Variants in MAN1C1 observed in about 807,000 individuals in gnomAD.
The protein encoded by MAN1C1 is mannosidase alpha class 1C member 1.
A neutral mutation model predicts 71.5 loss-of-function variants in MAN1C1; 49 were observed. That is an observed-to-expected ratio of 0.69 (90% CI 0.54 to 0.87). MAN1C1 has a LOEUF of 0.87. Ranked by LOEUF, MAN1C1 falls within the 40% of genes least tolerant of loss-of-function variation. MAN1C1 has a pLI of 0.00. For synonymous variants in MAN1C1, 352 were observed against 343.7 expected (o/e 1.02, Z -0.27); for missense variants, 743 against 835.0 (o/e 0.89, Z 1.36).
intron 7 of MAN1C1, among the ~76,000 whole-genome samples, chr1:25,770,293 G>T (rs889146701): frequency 6.6e-6 from 1 of 152,214 alleles, no homozygotes; most frequent in African/African-American, 2.4e-5. Flanking sequence ...ATGCTGGTCC[G>T]CTCTGGAACA....
At chr1:25,781,710 G>A (rs1441956255) in intron 10 of MAN1C1, among the ~76,000 whole-genome samples, 2 of 134,832 alleles carry the variant, frequency 1.5e-5, no homozygotes, top group African/African-American at 2.8e-5. Flanking sequence ...CACCACCCCC[G>A]TGCCCATTCC....
At chr1:25,728,762 G>A (rs903289675) in intron 2 of MAN1C1, among the ~76,000 whole-genome samples, 2 of 152,186 alleles carry the variant, frequency 1.3e-5, no homozygotes, top group Admixed American at 6.5e-5. Context: ...AGAAAGGCTG[G>A]GAAACGCAGT....
intron 4 of MAN1C1, among the ~76,000 whole-genome samples, chr1:25,750,881 C>T (rs1192900827): frequency 6.6e-6 from 1 of 152,176 alleles, no homozygotes; most frequent in Non-Finnish European, 1.5e-5. Context: ...GAGGGGAGGA[C>T]ACAGCTCAGG....
intron 2 of MAN1C1, among the ~76,000 whole-genome samples, chr1:25,704,156 G>C (rs910236290): frequency 6.6e-6 from 1 of 152,164 alleles, no homozygotes; most frequent in African/African-American, 2.4e-5. Context: ...AATCTCTCCC[G>C]AGGCTGAGAA....
chr1:25,686,619 C>CT (rs2046235593), intron 2 of MAN1C1, 83 bp downstream of exon 2: 1 of 1,196,440 alleles, frequency 8.4e-7, no homozygotes, highest in Non-Finnish European at 1.2e-6. Flanking sequence ...TTTGGCTTTT[C>CT]ACCTCCTGAG....
At chr1:25,662,449 C>T (rs141554170) in intron 1 of MAN1C1, among the ~76,000 whole-genome samples, 1 of 152,316 alleles carries the variant, frequency 6.6e-6, no homozygotes, top group Non-Finnish European at 1.5e-5. Context: ...CAGAGCACAG[C>T]AGTTTGTATT....
intron 2 of MAN1C1, among the ~76,000 whole-genome samples, chr1:25,718,767 A>G (rs1218974062): frequency 6.6e-6 from 1 of 152,110 alleles, no homozygotes; most frequent in Non-Finnish European, 1.5e-5. Context: ...TCAGTATTTC[A>G]TTTCTTTACA....
chr1:25,774,236 C>T (rs2047590537), intron 8 of MAN1C1, among the ~76,000 whole-genome samples: 1 of 152,210 alleles, frequency 6.6e-6, no homozygotes, highest in South Asian at 2.1e-4. Context: ...GAGGGTCAGA[C>T]AGATCGGACT....
intron 1 of MAN1C1, among the ~76,000 whole-genome samples, chr1:25,621,059 C>T (rs1258134728): frequency 3.3e-5 from 5 of 152,242 alleles, no homozygotes; most frequent in Admixed American, 3.3e-4. Context: ...ACCCACCTCT[C>T]CTTCCTGGAC....
chr1:25,639,554 T>C (rs1039700762), intron 1 of MAN1C1, among the ~76,000 whole-genome samples: 4 of 152,210 alleles, frequency 2.6e-5, no homozygotes, highest in Non-Finnish European at 4.4e-5. Flanking sequence ...CTGGCTACTA[T>C]ATTCTCCACC....
chr1:25,752,093 A>G (rs1324724537), intron 4 of MAN1C1, among the ~76,000 whole-genome samples: 1 of 152,156 alleles, frequency 6.6e-6, no homozygotes, highest in Non-Finnish European at 1.5e-5. Context: ...CCTGCTGGGT[A>G]GGCCAGTCCT....
chr1:25,713,928 C>T (rs753389265), intron 2 of MAN1C1, among the ~76,000 whole-genome samples: 6 of 152,190 alleles, frequency 3.9e-5, no homozygotes, highest in Admixed American at 1.3e-4. Flanking sequence ...AATCAACCTT[C>T]GTGTTTCCTG....
At chr1:25,697,356 A>G (rs146755152) in intron 2 of MAN1C1, among the ~76,000 whole-genome samples, 2 of 152,346 alleles carry the variant, frequency 1.3e-5, no homozygotes, top group Non-Finnish European at 1.5e-5. Flanking sequence ...ACATTGTAGC[A>G]TGTATTATCA....
At chr1:25,688,543 T>C (rs367604226) in intron 2 of MAN1C1, among the ~76,000 whole-genome samples, 4 of 152,320 alleles carry the variant, frequency 2.6e-5, no homozygotes, top group African/African-American at 9.6e-5. Flanking sequence ...GGATTCCATT[T>C]TGTAAAATTC....
rs1204300297 is a variant in MAN1C1 at position 25,779,468 on chromosome 1, GTCT to G, written c.1477+1146_1477+1148del. Reference sequence around the variant, plus strand: ...CCAGGAAGTCAGAGATTCGCAATGGGTCTTTAAAACTGGTTGTCCATTCTCTTC... The same window carrying G: ...CCAGGAAGTCAGAGATTCGCAATGGGTTAAAACTGGTTGTCCATTCTCTTC... On this transcript the variant is annotated intron_variant, in intron 9 of 11. Transcript: ENST00000374332. This position sits in a 1 kb window ranked among gnomAD's most constrained non-coding sequence, Gnocchi z 4.6. 6.6e-6 allele frequency among the ~76,000 whole-genome samples: 1 copy of G among 152,210 alleles called. No individual in the cohort carries two copies. Among genetic ancestry groups the G allele is most frequent in the Non-Finnish European group, 1.5e-5 (1 of 68,040 alleles).
intron 1 of MAN1C1, among the ~76,000 whole-genome samples, chr1:25,632,120 C>A (rs915080084): frequency 6.6e-6 from 1 of 152,170 alleles, no homozygotes; most frequent in Non-Finnish European, 1.5e-5. Context: ...GCTGTGAATC[C>A]ATCATGCCCT....
intron 6 of MAN1C1, among the ~76,000 whole-genome samples, chr1:25,762,359 AC>A (rs1486808328): frequency 6.6e-6 from 1 of 150,958 alleles, no homozygotes; most frequent in Non-Finnish European, 1.5e-5. Flanking sequence ...CTGGGCTCAA[AC>A]AATCTGCCCA....
chr1:25,707,253 A>G (rs890452094), intron 2 of MAN1C1, among the ~76,000 whole-genome samples: 1 of 152,232 alleles, frequency 6.6e-6, no homozygotes, highest in Non-Finnish European at 1.5e-5. Context: ...AGATTTCCAA[A>G]GCACTAAAAT....
At position 25,764,802 on chromosome 1, in the gene MAN1C1, C is replaced by G. The variant is rs1388958641; in HGVS notation, c.1141+835C>G. On this transcript the variant is annotated intron_variant, in intron 7 of 11. Coordinates refer to ENST00000374332, the MANE Select transcript of MAN1C1 (RefSeq NM_020379.4). The surrounding 1 kb of genome is among the most constrained non-coding windows in gnomAD (Gnocchi z 4.4). ...AGAAATCATGAATTCAGGCCAAGCACCTGACGGGAGGCCGAGGCAGGCGGA... is the reference window on the plus strand; with the variant it reads ...AGAAATCATGAATTCAGGCCAAGCAGCTGACGGGAGGCCGAGGCAGGCGGA... Among the ~76,000 whole-genome samples the G allele has an allele frequency of 1.3e-5, 2 of 152,064 alleles. No homozygotes were observed. The highest frequency in any genetic ancestry group is 3.9e-4 in the East Asian group (2 of 5,158).
Sources: gnomAD v4.1 joint callset for allele counts (sites outside exome capture counted in the v4.1 genomes callset) on GRCh38, gnomAD v4.1.1 for gene constraint, Gnocchi (gnomAD v3.1) non-coding constraint, MANE v1.5 for transcripts, NCBI Gene and HGNC (gene_info 2026-07-23, HGNC 2026-07-21) for gene names.